The following SLC35F1 variants were observed in gnomAD, a reference collection of about 807,000 sequenced individuals.
SLC35F1 encodes chromosome 6 open reading frame 169.
A neutral mutation model predicts 48.7 loss-of-function variants in SLC35F1; 14 were observed. The ratio of observed to expected loss-of-function variants is 0.29; its 90% CI spans 0.19 to 0.45. The LOEUF is 0.45. Among genes scored for constraint, SLC35F1 ranks in the 20% least tolerant of loss-of-function variants. SLC35F1 has a pLI of 1.00. For synonymous variants in SLC35F1, 190 were observed against 202.2 expected (o/e 0.94, Z 0.51); for missense variants, 404 against 500.0 (o/e 0.81, Z 1.83).
chr6:118,129,608 C>A (rs4028067), intron 1 of SLC35F1, among the ~76,000 whole-genome samples: 1 of 151,682 alleles, frequency 6.6e-6, no homozygotes. Context: ...TTGCTGTAGG[C>A]GTAATGGGTA....
chr6:118,094,009 G>A (rs1024165159), intron 1 of SLC35F1, among the ~76,000 whole-genome samples: 2 of 152,204 alleles, frequency 1.3e-5, no homozygotes, highest in African/African-American at 2.4e-5. Flanking sequence ...CATGTAAACC[G>A]ATCTTTGAAG....
At chr6:117,997,514 C>A (rs1380225781) in intron 1 of SLC35F1, among the ~76,000 whole-genome samples, 1 of 152,114 alleles carries the variant, frequency 6.6e-6, no homozygotes, top group Admixed American at 6.5e-5. Flanking sequence ...ATGTTAAGGG[C>A]AGCCAGAGAG....
intron 1 of SLC35F1, among the ~76,000 whole-genome samples, chr6:118,118,941 CTTTTT>C (rs35921856): frequency 1.4e-5 from 2 of 143,732 alleles, no homozygotes; most frequent in Non-Finnish European, 1.5e-5. Context: ...TGCTTGTTTG[CTTTTT>C]TTTTTTTTTT....
intron 2 of SLC35F1, among the ~76,000 whole-genome samples, chr6:118,232,684 A>G (rs142914011): frequency 6.6e-5 from 10 of 152,030 alleles, no homozygotes; most frequent in African/African-American, 1.2e-4. Flanking sequence ...GACAGAAGGA[A>G]GAATAGTCCA....
chr6:117,920,977 AAT>A (rs1775890457), intron 1 of SLC35F1, among the ~76,000 whole-genome samples: 1 of 152,058 alleles, frequency 6.6e-6, no homozygotes, highest in Non-Finnish European at 1.5e-5. Context: ...TCAAATAATG[AAT>A]ATGAGATATT....
intron 2 of SLC35F1, among the ~76,000 whole-genome samples, chr6:118,220,047 A>G (rs1305189385): frequency 1.3e-5 from 2 of 152,024 alleles, no homozygotes; most frequent in Non-Finnish European, 1.5e-5. Flanking sequence ...AGGGATAGCA[A>G]TAGGAGATAT....
chr6:117,917,789 G>A (rs1383185068), intron 1 of SLC35F1, among the ~76,000 whole-genome samples: 1 of 151,874 alleles, frequency 6.6e-6, no homozygotes, highest in Admixed American at 6.6e-5. Flanking sequence ...TCAGAGCTTG[G>A]AATTTGGATT....
intron 1 of SLC35F1, among the ~76,000 whole-genome samples, chr6:118,099,587 G>A (rs1773228139): frequency 6.6e-6 from 1 of 151,516 alleles, no homozygotes; most frequent in Admixed American, 6.6e-5. Flanking sequence ...AGCCTGAAAT[G>A]CTCATTCATG....
intron 1 of SLC35F1, among the ~76,000 whole-genome samples, chr6:117,988,317 C>T (rs1373523239): frequency 6.6e-6 from 1 of 152,166 alleles, no homozygotes; most frequent in Non-Finnish European, 1.5e-5. Context: ...CTTGTAGTCA[C>T]TTCCCTTATA....
At chr6:118,282,890 G>C (rs769274798) in intron 6 of SLC35F1, among the ~76,000 whole-genome samples, 1 of 152,050 alleles carries the variant, frequency 6.6e-6, no homozygotes, top group Non-Finnish European at 1.5e-5. Flanking sequence ...TTGTGACACC[G>C]CCATTCTAAC....
rs745677823 is a variant in SLC35F1 at position 118,281,175 on chromosome 6, A to ACTCTCT, written c.847+3654_847+3659dup. 7.3e-4 allele frequency among the ~76,000 whole-genome samples: 100 copies of ACTCTCT among 137,686 alleles called. 1 individual carries two copies. Among genetic ancestry groups the ACTCTCT allele is most frequent in the Middle Eastern group, 7.9e-3 (2 of 254 alleles). The allele number at this position is 137,686 out of a possible 152,430, so 90.3% of individuals were successfully genotyped here. On this transcript the variant is annotated intron_variant, in intron 6 of 7. Coordinates refer to ENST00000360388, the MANE Select transcript of SLC35F1 (RefSeq NM_001029858.4). ...ACACATACTTTATATATATATAGTA[A>ACTCTCT]CTCTCTCTCTCTCTCTCTCTCTCTC...
At chr6:118,002,326 T>G (rs1777112172) in intron 1 of SLC35F1, among the ~76,000 whole-genome samples, 1 of 152,064 alleles carries the variant, frequency 6.6e-6, no homozygotes, top group African/African-American at 2.4e-5. Context: ...TTGGAAATCA[T>G]CATTCTCAGC....
At chr6:117,989,342 C>T (rs1240769185) in intron 1 of SLC35F1, among the ~76,000 whole-genome samples, 2 of 152,216 alleles carry the variant, frequency 1.3e-5, no homozygotes, top group Non-Finnish European at 2.9e-5. Flanking sequence ...ACTGTGCTTT[C>T]TGGAAGACTG....
intron 1 of SLC35F1, among the ~76,000 whole-genome samples, chr6:118,063,177 A>C (rs1772565915): frequency 6.6e-6 from 1 of 152,174 alleles, no homozygotes. Context: ...TATTGTTTGT[A>C]TTGAATTTAT....
rs117204267 is a variant in SLC35F1, at chr6:118,103,232, T to G, written c.174-51213T>G. On this transcript the variant is annotated intron_variant, in intron 1 of 7. Coordinates refer to ENST00000360388, the MANE Select transcript of SLC35F1 (RefSeq NM_001029858.4). ...ACTTAGTGACCTCCTGCTTCGAGGATCCTATGATCCAACTGAGAACATTTA... is the reference window on the plus strand; with the variant it reads ...ACTTAGTGACCTCCTGCTTCGAGGAGCCTATGATCCAACTGAGAACATTTA... 6.1e-3 allele frequency among the ~76,000 whole-genome samples: 923 copies of G among 151,600 alleles called. 3 individuals are homozygous for G. Among genetic ancestry groups the G allele is most frequent in the Middle Eastern group, 0.01 (3 of 294 alleles).
At chr6:118,095,688 C>G (rs1046714268) in intron 1 of SLC35F1, among the ~76,000 whole-genome samples, 1 of 152,062 alleles carries the variant, frequency 6.6e-6, no homozygotes, top group African/African-American at 2.4e-5. Context: ...GTTCCTTGAC[C>G]AAATCAGACA....
intron 7 of SLC35F1, among the ~76,000 whole-genome samples, chr6:118,289,362 C>G (rs968074298): frequency 2.6e-5 from 4 of 152,100 alleles, no homozygotes; most frequent in Non-Finnish European, 5.9e-5. Flanking sequence ...GATAAACACC[C>G]AAGAGTACAA....
chr6:118,092,728 A>G (rs1476226012), intron 1 of SLC35F1, among the ~76,000 whole-genome samples: 2 of 152,144 alleles, frequency 1.3e-5, no homozygotes, highest in African/African-American at 4.8e-5. Context: ...CATGGAGTCA[A>G]ATGAGGTCAT....
chr6:117,940,481 C>A (rs751916305), intron 1 of SLC35F1, among the ~76,000 whole-genome samples: 4 of 152,172 alleles, frequency 2.6e-5, no homozygotes, highest in East Asian at 1.9e-4. Flanking sequence ...ATCCAGCAAT[C>A]CCACATCTGG....
Sources: gnomAD v4.1 joint callset for allele counts (sites outside exome capture counted in the v4.1 genomes callset) on GRCh38, gnomAD v4.1.1 for gene constraint, MANE v1.5 for transcripts, NCBI Gene and HGNC (gene_info 2026-07-23, HGNC 2026-07-21) for gene names.